MTMR7: variants seen among roughly 807,000 people sequenced by gnomAD.
MTMR7 encodes the protein phosphatidylinositol-3-phosphate phosphatase MTMR7.
MTMR7 carries 76 observed loss-of-function variants against 81.2 expected under a neutral mutation model. That is an observed-to-expected ratio of 0.94 (90% CI 0.78 to 1.13). The LOEUF is 1.13. Ranked by LOEUF, MTMR7 falls within the 50% of genes most tolerant of loss-of-function variation. MTMR7 has a pLI of 0.00. For synonymous variants in MTMR7, 372 were observed against 289.8 expected (o/e 1.28, Z -2.88); for missense variants, 1,044 against 820.0 (o/e 1.27, Z -3.34).
intron 13 of MTMR7, among the ~76,000 whole-genome samples, chr8:17,300,692 C>G (rs906883420): frequency 6.6e-6 from 1 of 152,172 alleles, no homozygotes; most frequent in Non-Finnish European, 1.5e-5. Context: ...GGTTGTGCAA[C>G]GATCACTACT....
intron 1 of MTMR7, among the ~76,000 whole-genome samples, chr8:17,407,399 T>C (rs1174075655): frequency 6.6e-6 from 1 of 152,148 alleles, no homozygotes; most frequent in African/African-American, 2.4e-5. Flanking sequence ...AAGTGTTAAA[T>C]GACATAACGT....
intron 13 of MTMR7, chr8:17,300,432 C>T: frequency 3.4e-6 from 2 of 580,936 alleles, no homozygotes; most frequent in Non-Finnish European, 3.0e-6. Context: ...TAATACCTGC[C>T]TTGACATAGG....
At chr8:17,335,765 C>A (rs2269693) in intron 6 of MTMR7, among the ~76,000 whole-genome samples, 24,531 of 152,226 alleles carry the variant, frequency 0.16, 2,540 homozygotes, top group East Asian at 0.33. Context: ...TCCTTTCTAC[C>A]CGCTAAGGAC....
intron 12 of MTMR7, 30 bp from the exon 13 acceptor site, chr8:17,302,310 C>T (rs1817170140): frequency 6.3e-7 from 1 of 1,587,346 alleles, no homozygotes; most frequent in African/African-American, 1.4e-5. Context: ...GTCGTGATAC[C>T]ACCTTATCAC....
chr8:17,395,285 T>C (rs774613950), intron 1 of MTMR7, among the ~76,000 whole-genome samples: 2 of 152,234 alleles, frequency 1.3e-5, no homozygotes, highest in African/African-American at 4.8e-5. Flanking sequence ...TTCCATTGCA[T>C]GTACATATCA....
intron 3 of MTMR7, among the ~76,000 whole-genome samples, chr8:17,363,076 C>T (rs2150558634): frequency 6.6e-6 from 1 of 152,310 alleles, no homozygotes; most frequent in Non-Finnish European, 1.5e-5. Flanking sequence ...ACAAAATACG[C>T]ACATCCAGGC....
intron 1 of MTMR7, among the ~76,000 whole-genome samples, chr8:17,405,869 CACACACACA>C (rs761328863): frequency 1.1e-5 from 1 of 92,916 alleles, no homozygotes; most frequent in Non-Finnish European, 2.2e-5. Flanking sequence ...CACACACACA[CACACACACA>C]CCACAGAGAA....
At chr8:17,328,783 T>C (rs747361405) in intron 7 of MTMR7, among the ~76,000 whole-genome samples, 4 of 152,194 alleles carry the variant, frequency 2.6e-5, no homozygotes, top group Non-Finnish European at 5.9e-5. Context: ...ATCTATATTA[T>C]CAAAAGGGAA....
intron 1 of MTMR7, among the ~76,000 whole-genome samples, chr8:17,409,934 TAAG>T (rs1821693277): frequency 6.6e-6 from 1 of 152,104 alleles, no homozygotes; most frequent in African/African-American, 2.4e-5. Flanking sequence ...GGGTTGTGGA[TAAG>T]AAGATGATTG....
At chr8:17,400,792 C>T (rs947857826) in intron 1 of MTMR7, among the ~76,000 whole-genome samples, 3 of 152,120 alleles carry the variant, frequency 2.0e-5, no homozygotes, top group Non-Finnish European at 2.9e-5. Flanking sequence ...TGAAGCAATC[C>T]ACTTAAAAGT....
chr8:17,318,993 T>C (rs1308463861), intron 7 of MTMR7, among the ~76,000 whole-genome samples: 2 of 152,244 alleles, frequency 1.3e-5, no homozygotes, highest in African/African-American at 4.8e-5. Context: ...CCAAATGTTT[T>C]TAACAGCAGG....
At chr8:17,318,124 C>G (rs1241297178) in intron 7 of MTMR7, among the ~76,000 whole-genome samples, 2 of 152,054 alleles carry the variant, frequency 1.3e-5, no homozygotes, top group African/African-American at 4.8e-5. Context: ...CTGCCTGGAC[C>G]CTGCATGAGG....
chr8:17,350,263 T>G (rs1251366927), intron 4 of MTMR7, among the ~76,000 whole-genome samples: 2 of 152,162 alleles, frequency 1.3e-5, no homozygotes, highest in African/African-American at 2.4e-5. Flanking sequence ...ACTAGTCCAT[T>G]TTCATACGGT....
intron 2 of MTMR7, among the ~76,000 whole-genome samples, chr8:17,371,881 G>A (rs1157537324): frequency 6.3e-5 from 8 of 127,312 alleles, no homozygotes; most frequent in South Asian, 2.5e-4. Context: ...TTTTTACAGT[G>A]AGACCCTTGA....
At chr8:17,410,937 C>T (rs902065600) in intron 1 of MTMR7, among the ~76,000 whole-genome samples, 3 of 152,134 alleles carry the variant, frequency 2.0e-5, no homozygotes, top group African/African-American at 7.2e-5. Context: ...ACTTTGTATA[C>T]ACTCCTTGCA....
rs182623751 is a variant in MTMR7, at chr8:17,355,755, A to T, written c.468+5362T>A. 2.9e-3 allele frequency among the ~76,000 whole-genome samples: 441 copies of T among 152,216 alleles called. 3 individuals are homozygous for T. Among genetic ancestry groups the T allele is most frequent in the African/African-American group, 0.01 (421 of 41,528 alleles). ...GAACTACAACAAGAAAACAACAAATAATCTTATAGAAAAAAGAGCAAAAAT... is the reference window on the plus strand; with the variant it reads ...GAACTACAACAAGAAAACAACAAATTATCTTATAGAAAAAAGAGCAAAAAT... On this transcript the variant is annotated intron_variant, in intron 4 of 13. Coordinates refer to ENST00000180173, the MANE Select transcript of MTMR7 (RefSeq NM_004686.5).
Position 17,377,597 on chromosome 8 carries a change from C to G in MTMR7, c.25-4357G>C, listed in dbSNP as rs142446909. On this transcript the variant is annotated intron_variant, in intron 1 of 13. Transcript: ENST00000180173. ...CCATGTGGTTTTTGTCTGTCTGTTT[C>G]TAAATTTTCAGATTTCACAGTCAGT... is the stretch of plus-strand genomic sequence containing the variant. 7.7e-3 allele frequency among the ~76,000 whole-genome samples: 1,175 copies of G among 152,058 alleles called. 21 individuals carry two copies. Among genetic ancestry groups the G allele is most frequent in the African/African-American group, 0.026 (1,098 of 41,500 alleles).
chr8:17,313,457 A>G, intron 7 of MTMR7, 56 bp from the exon 8 acceptor site: 2 of 1,150,354 alleles, frequency 1.7e-6, no homozygotes, highest in Non-Finnish European at 2.6e-6. Flanking sequence ...CATTTTACAT[A>G]TGATCATGTT....
At chr8:17,412,136 G>C (rs1004929750) in intron 1 of MTMR7, among the ~76,000 whole-genome samples, 9 of 152,204 alleles carry the variant, frequency 5.9e-5, no homozygotes, top group African/African-American at 2.2e-4. Flanking sequence ...TGTCGGAACT[G>C]ACATTCTCCA....
Sources: gnomAD v4.1 joint callset for allele counts (sites outside exome capture counted in the v4.1 genomes callset) on GRCh38, gnomAD v4.1.1 for gene constraint, MANE v1.5 for transcripts, NCBI Gene and HGNC (gene_info 2026-07-23, HGNC 2026-07-21) for gene names.